The following ATG7 variants were observed in gnomAD, a reference collection of about 807,000 sequenced individuals.
The protein encoded by ATG7 is ubiquitin-like modifier-activating enzyme ATG7.
Under a neutral mutation model 82.4 loss-of-function variants are expected in ATG7, and 70 were observed. The ratio of observed to expected loss-of-function variants is 0.85; its 90% CI spans 0.70 to 1.04. ATG7 has a LOEUF of 1.04. Among genes scored for constraint, ATG7 ranks in the 50% least tolerant of loss-of-function variants. ATG7 has a pLI of 0.00. For missense variants in ATG7, 792 were observed against 864.3 expected (o/e 0.92, Z 1.05); for synonymous variants, 287 against 313.0 (o/e 0.92, Z 0.88).
At chr3:11,362,266 GA>G (rs150994807) in intron 16 of ATG7, among the ~76,000 whole-genome samples, 1,893 of 149,680 alleles carry the variant, frequency 0.013, 38 homozygotes, top group African/African-American at 0.043. Context: ...CCATGTTGTA[GA>G]AAAAAAAAAT....
At chr3:11,509,180 C>G (rs376449503) in intron 20 of ATG7, among the ~76,000 whole-genome samples, 3 of 152,112 alleles carry the variant, frequency 2.0e-5, no homozygotes, top group Non-Finnish European at 4.4e-5. Flanking sequence ...GCAATTATGA[C>G]GCAGCGCCAC....
chr3:11,516,348 TAAA>T (rs879878981), intron 20 of ATG7, among the ~76,000 whole-genome samples: 1 of 145,654 alleles, frequency 6.9e-6, no homozygotes, highest in African/African-American at 2.5e-5. Context: ...ATAATAAAAT[TAAA>T]AAAAAAAAGA....
intron 20 of ATG7, among the ~76,000 whole-genome samples, chr3:11,455,298 T>C (rs2085594474): frequency 6.6e-6 from 1 of 152,196 alleles, no homozygotes; most frequent in Admixed American, 6.5e-5. Flanking sequence ...CAGAACCTAT[T>C]CCATGTCCTT....
intron 19 of ATG7, among the ~76,000 whole-genome samples, chr3:11,383,158 T>C (rs916908761): frequency 6.6e-5 from 10 of 152,208 alleles, no homozygotes; most frequent in Non-Finnish European, 1.5e-4. Context: ...TAATGTTCAT[T>C]ATAGGTTTTT....
At chr3:11,373,128 G>A (rs964173012) in intron 18 of ATG7, among the ~76,000 whole-genome samples, 4 of 150,878 alleles carry the variant, frequency 2.7e-5, no homozygotes, top group African/African-American at 9.8e-5. Context: ...ACAAATAGGA[G>A]AACAAGAGTT....
At chr3:11,574,834 T>C in the ATG7 span, among the ~76,000 whole-genome samples, 32 of 147,450 alleles carry the variant, frequency 2.2e-4, 1 homozygote, top group Middle Eastern at 7.0e-3. Flanking sequence ...TGTGTGTGTG[T>C]GTGTATTTTA....
chr3:11,563,870 T>G, the ATG7 span, among the ~76,000 whole-genome samples: 6 of 151,990 alleles, frequency 3.9e-5, no homozygotes. Context: ...CAGAACCACC[T>G]CTCCCAACTC....
intron 10 of ATG7, 84 bp downstream of exon 10, chr3:11,331,512 T>C (rs562855721): frequency 1.0e-4 from 122 of 1,172,012 alleles, no homozygotes; most frequent in Non-Finnish European, 1.4e-4. Context: ...TTTGTATCTC[T>C]GTTTTCCTAA....
intron 20 of ATG7, among the ~76,000 whole-genome samples, chr3:11,487,359 C>G (rs1238277896): frequency 2.3e-5 from 1 of 44,292 alleles, no homozygotes; most frequent in Non-Finnish European, 6.3e-5. Context: ...GCATACCTCC[C>G]AGACGGGGTG....
At chr3:11,321,716 C>T (rs1379577817) in intron 9 of ATG7, among the ~76,000 whole-genome samples, 1 of 152,148 alleles carries the variant, frequency 6.6e-6, no homozygotes, top group Non-Finnish European at 1.5e-5. Flanking sequence ...CCTCAGTTTC[C>T]TCAGTGTGTA....
At chr3:11,497,093 C>T (rs536348222) in intron 20 of ATG7, among the ~76,000 whole-genome samples, 3 of 151,908 alleles carry the variant, frequency 2.0e-5, no homozygotes, top group South Asian at 4.2e-4. Context: ...TCAAGTGATC[C>T]GCTTGCCTCG....
intron 20 of ATG7, among the ~76,000 whole-genome samples, chr3:11,436,442 T>A (rs1465731915): frequency 6.6e-6 from 1 of 152,184 alleles, no homozygotes; most frequent in Non-Finnish European, 1.5e-5. Context: ...AGAATTACCA[T>A]GTGACCCAGG....
chr3:11,570,646 TAAG>T, the ATG7 span, among the ~76,000 whole-genome samples: 2 of 152,166 alleles, frequency 1.3e-5, no homozygotes, highest in Non-Finnish European at 2.9e-5. Context: ...ACAAGGGAGT[TAAG>T]GAGATTTCAG....
intron 19 of ATG7, among the ~76,000 whole-genome samples, chr3:11,396,793 A>AAAG (rs1559535521): frequency 5.6e-5 from 8 of 143,716 alleles, no homozygotes; most frequent in Non-Finnish European, 6.0e-5. Context: ...AAAAAAAAAA[A>AAAG]AAAAGAAAAG....
rs1047517641 is a variant in ATG7, at chr3:11,492,234, G to A, written c.2080-62577G>A. 7.9e-5 allele frequency among the ~76,000 whole-genome samples: 12 copies of A among 152,292 alleles called. No individual in the cohort carries two copies. In the East Asian group the frequency reaches 1.5e-3, roughly 20 times the overall value. Reference sequence around the variant, plus strand: ...GGAGTGACCCGATTTTCCAGTTGCCGTCTGTCACCCCTTTCTTTGACTAGG... The same window carrying A: ...GGAGTGACCCGATTTTCCAGTTGCCATCTGTCACCCCTTTCTTTGACTAGG... On this transcript the variant is annotated intron_variant, in intron 20 of 20. Transcript: ENST00000693202.
At chr3:11,567,062 CAGG>C in the ATG7 span, among the ~76,000 whole-genome samples, 3 of 151,994 alleles carry the variant, frequency 2.0e-5, no homozygotes, top group Non-Finnish European at 4.4e-5. Flanking sequence ...AAGGGCTGAG[CAGG>C]AGAAGCACCA....
intron 11 of ATG7, among the ~76,000 whole-genome samples, chr3:11,337,157 T>A (rs1430129838): frequency 2.0e-5 from 3 of 152,128 alleles, no homozygotes; most frequent in African/African-American, 7.2e-5. Context: ...AATTTTTTCC[T>A]AAAAAATATT....
At position 11,509,327 on chromosome 3, in the gene ATG7, C is replaced by A. The variant is rs1233344305; in HGVS notation, c.2080-45484C>A. On this transcript the variant is annotated intron_variant, in intron 20 of 20. Coordinates refer to ENST00000693202, the MANE Select transcript of ATG7 (RefSeq NM_001349232.2). ...ACACTTAAAGGGCCAGGCAGGCCCT[C>A]ATGCATGCACATTTGTCTACATCCA... 2.0e-5 allele frequency among the ~76,000 whole-genome samples: 3 copies of A among 152,098 alleles called. No individual in the cohort carries two copies. The East Asian group carries it at 5.8e-4, about 29-fold the overall frequency.
chr3:11,489,650 G>A (rs2090145128), intron 20 of ATG7, among the ~76,000 whole-genome samples: 1 of 145,920 alleles, frequency 6.9e-6, no homozygotes, highest in East Asian at 2.0e-4. Context: ...TGCTTTGAAT[G>A]TGTCCCAGAG....
Sources: gnomAD v4.1 joint callset for allele counts (sites outside exome capture counted in the v4.1 genomes callset) on GRCh38, gnomAD v4.1.1 for gene constraint, MANE v1.5 for transcripts, NCBI Gene and HGNC (gene_info 2026-07-23, HGNC 2026-07-21) for gene names.